Variants in NPSR1 observed in about 807,000 individuals in gnomAD.
NPSR1 encodes neuropeptide S receptor.
NPSR1 carries 48 observed loss-of-function variants against 46.9 expected under a neutral mutation model. That is an observed-to-expected ratio of 1.02 (90% CI 0.81 to 1.30). The LOEUF is 1.30. Ranked by LOEUF, NPSR1 falls within the 50% of genes most tolerant of loss-of-function variation. NPSR1 has a pLI of 0.00. For missense variants in NPSR1, 450 were observed against 449.5 expected (o/e 1.00, Z -0.01); for synonymous variants, 176 against 168.1 (o/e 1.05, Z -0.36).
At chr7:34,676,748 C>T (rs1792333735) in intron 1 of NPSR1, among the ~76,000 whole-genome samples, 1 of 152,160 alleles carries the variant, frequency 6.6e-6, no homozygotes, top group Non-Finnish European at 1.5e-5. Flanking sequence ...TAGATGAATT[C>T]ATAAACAGAT....
At chr7:34,757,156 AT>A (rs1197518456) in intron 2 of NPSR1, among the ~76,000 whole-genome samples, 2 of 152,172 alleles carry the variant, frequency 1.3e-5, no homozygotes, top group Admixed American at 6.5e-5. Flanking sequence ...TACAGTGAAA[AT>A]TATCTAATTA....
intron 4 of NPSR1, among the ~76,000 whole-genome samples, chr7:34,822,509 A>G: frequency 6.6e-6 from 1 of 152,274 alleles, no homozygotes; most frequent in Admixed American, 6.5e-5. Flanking sequence ...GGTCTTCACC[A>G]AAAATGAATA....
At chr7:34,801,937 C>T (rs190882449) in intron 3 of NPSR1, among the ~76,000 whole-genome samples, 1 of 149,808 alleles carries the variant, frequency 6.7e-6, no homozygotes, top group East Asian at 1.9e-4. Context: ...AATCAGAGAG[C>T]CAAATCATGA....
chr7:34,744,174 C>T (rs1785091785), intron 2 of NPSR1, among the ~76,000 whole-genome samples: 1 of 152,072 alleles, frequency 6.6e-6, no homozygotes, highest in African/African-American at 2.4e-5. Flanking sequence ...CTTAGAATTG[C>T]TATATCTTCC....
At chr7:34,744,690 T>C (rs1465029901) in intron 2 of NPSR1, among the ~76,000 whole-genome samples, 1 of 152,188 alleles carries the variant, frequency 6.6e-6, no homozygotes, top group African/African-American at 2.4e-5. Flanking sequence ...TCAATCAGGT[T>C]TGTGATTCAA....
At chr7:34,827,017 T>C (rs1324822917) in intron 4 of NPSR1, among the ~76,000 whole-genome samples, 4 of 152,148 alleles carry the variant, frequency 2.6e-5, no homozygotes, top group African/African-American at 9.7e-5. Context: ...CCCTGCCTGG[T>C]AACAAGAGAC....
chr7:34,675,867 G>T (rs530524912), intron 1 of NPSR1, among the ~76,000 whole-genome samples: 1 of 152,318 alleles, frequency 6.6e-6, no homozygotes, highest in East Asian at 1.9e-4. Flanking sequence ...CCAATCTTTA[G>T]TTATTGAAAC....
chr7:34,712,543 G>A (rs900058261), intron 2 of NPSR1, among the ~76,000 whole-genome samples: 5 of 152,156 alleles, frequency 3.3e-5, no homozygotes, highest in African/African-American at 9.7e-5. Flanking sequence ...AGTACCTGGT[G>A]ATTCAAAAAT....
intron 5 of NPSR1, chr7:34,834,164 G>A (rs33911118): frequency 0.3 from 170,275 of 570,196 alleles, 26,327 homozygotes; most frequent in East Asian, 0.44. Context: ...ACTTTACCAG[G>A]TCTTAGCCTC....
intron 3 of NPSR1, among the ~76,000 whole-genome samples, chr7:34,793,253 C>T (rs543092916): frequency 1.2e-3 from 179 of 152,082 alleles, no homozygotes; most frequent in African/African-American, 4.2e-3. Flanking sequence ...GAACTATCAA[C>T]AGAGTAAAGA....
chr7:34,778,551 G>T lies in NPSR1; in HGVS notation c.370G>T (p.Val124Phe). ...GGCACCTGACCTGGTTTGCCGAGTGGTCCGCTATTTGCAGGTATGTCACAC... is the reference window on the plus strand; with the variant it reads ...GGCACCTGACCTGGTTTGCCGAGTGTTCCGCTATTTGCAGGTATGTCACAC... ...FTAPDLVCRV[V>F]RYLQVVLLYA... The change falls in exon 3 of 9, where the codon GTC becomes TTC. Residue 124 changes from valine to phenylalanine, a missense_variant. Val to Phe is a conservative substitution (Grantham distance 50). Transcript: ENST00000360581. 6.2e-7 allele frequency: 1 copy of T among 1,609,852 alleles called. No homozygotes were observed. The highest frequency in any genetic ancestry group is 1.1e-5 in the South Asian group (1 of 90,912).
chr7:34,865,395 T>TC (rs1026777258), intron 8 of NPSR1, among the ~76,000 whole-genome samples: 1 of 151,324 alleles, frequency 6.6e-6, no homozygotes. Flanking sequence ...TATGGACAGC[T>TC]CCCCCCATGA....
At chr7:34,660,304 C>A (rs1791392733) in intron 1 of NPSR1, 1 of 407,166 alleles carries the variant, frequency 2.5e-6, no homozygotes, top group African/African-American at 2.1e-5. Context: ...TTGACTAAAA[C>A]CCTGTGATTT....
intron 2 of NPSR1, among the ~76,000 whole-genome samples, chr7:34,728,580 G>T (rs956566577): frequency 2.0e-5 from 3 of 152,322 alleles, no homozygotes; most frequent in Non-Finnish European, 2.9e-5. Flanking sequence ...CCCTCCTTTT[G>T]TCTGTTCACC....
intron 4 of NPSR1, among the ~76,000 whole-genome samples, chr7:34,826,334 G>A (rs775694442): frequency 4.6e-5 from 7 of 152,032 alleles, no homozygotes; most frequent in Non-Finnish European, 1.0e-4. Flanking sequence ...AAATATTTTG[G>A]GTTTGGATTT....
intron 2 of NPSR1, among the ~76,000 whole-genome samples, chr7:34,776,070 A>C (rs970371779): frequency 6.6e-6 from 1 of 152,018 alleles, no homozygotes; most frequent in Non-Finnish European, 1.5e-5. Flanking sequence ...TTCTAGTTTT[A>C]TTCCATTATG....
intron 2 of NPSR1, among the ~76,000 whole-genome samples, chr7:34,730,782 C>A (rs1784384025): frequency 6.6e-6 from 1 of 152,064 alleles, no homozygotes; most frequent in Admixed American, 6.6e-5. Flanking sequence ...GGTTGTGTGT[C>A]TGTTATCTGT....
chr7:34,806,612 T>C (rs1254796313), intron 3 of NPSR1, among the ~76,000 whole-genome samples: 2 of 152,028 alleles, frequency 1.3e-5, no homozygotes, highest in Admixed American at 6.6e-5. Context: ...TCAAAACCCA[T>C]AGAACTGTCC....
chr7:34,731,759 T>A (rs1583900030), intron 2 of NPSR1, among the ~76,000 whole-genome samples: 1 of 151,954 alleles, frequency 6.6e-6, no homozygotes, highest in African/African-American at 2.4e-5. Context: ...AGTGCACAGA[T>A]AAATCTTGAA....
Sources: gnomAD v4.1 joint callset for allele counts (sites outside exome capture counted in the v4.1 genomes callset) on GRCh38, gnomAD v4.1.1 for gene constraint, MANE v1.5 for transcripts, NCBI Gene and HGNC (gene_info 2026-07-23, HGNC 2026-07-21) for gene names.